The following DMD variants were observed in gnomAD, a reference collection of about 807,000 sequenced individuals.
The protein encoded by DMD is dystrophin.
Under a neutral mutation model 330.1 loss-of-function variants are expected in DMD, and 63 were observed. That is an observed-to-expected ratio of 0.19 (90% CI 0.16 to 0.24). The LOEUF (loss-of-function observed/expected upper bound fraction) is 0.24. Among genes scored for constraint, DMD ranks in the 10% least tolerant of loss-of-function variants. The pLI is 1.00. For missense variants in DMD, 3,344 were observed against 2,684.1 expected (o/e 1.25, Z -5.43); for synonymous variants, 1,223 against 959.8 (o/e 1.27, Z -5.07).
At chrX:31,489,438 C>G (rs776725038) in intron 57 of DMD, among the ~76,000 whole-genome samples, 5 of 112,207 alleles carry the variant, frequency 4.5e-5, no homozygotes, top group Admixed American at 2.8e-4. Flanking sequence ...CGGCCTCACA[C>G]AAGTCTTTAC....
At chrX:31,541,144 A>C (rs2073782179) in intron 55 of DMD, among the ~76,000 whole-genome samples, 1 of 111,702 alleles carries the variant, frequency 9.0e-6, no homozygotes, top group African/African-American at 3.3e-5. Context: ...GAGCAATTGA[A>C]ATCAGGCTAG....
At chrX:33,294,479 A>C (rs188300331) in intron 1 of DMD, among the ~76,000 whole-genome samples, 2 of 111,601 alleles carry the variant, frequency 1.8e-5, no homozygotes, top group African/African-American at 6.5e-5. Flanking sequence ...CATGAATAGG[A>C]GGTAGAGTAG....
chrX:32,619,419 A>G (rs925521169), intron 11 of DMD, among the ~76,000 whole-genome samples: 5 of 111,334 alleles, frequency 4.5e-5, no homozygotes, highest in African/African-American at 1.6e-4. Context: ...ATGAAAATAT[A>G]CTCTTGAAAA....
At chrX:31,680,499 T>G (rs1462820390) in intron 52 of DMD, among the ~76,000 whole-genome samples, 1 of 109,563 alleles carries the variant, frequency 9.1e-6, no homozygotes, top group African/African-American at 3.3e-5. Flanking sequence ...GCCTCCCGAG[T>G]AGCAGGAACT....
At chrX:31,299,528 A>G (rs1200756691) in intron 62 of DMD, among the ~76,000 whole-genome samples, 1 of 111,612 alleles carries the variant, frequency 9.0e-6, no homozygotes, top group African/African-American at 3.3e-5. Flanking sequence ...CTGTAATCCC[A>G]GCACTTTGGG....
At chrX:31,944,496 T>G (rs1376126279) in intron 45 of DMD, among the ~76,000 whole-genome samples, 1 of 106,524 alleles carries the variant, frequency 9.4e-6, no homozygotes, top group Non-Finnish European at 1.9e-5. Context: ...TTTTTTTTTT[T>G]GAGACGGAGT....
intron 7 of DMD, among the ~76,000 whole-genome samples, chrX:32,712,347 C>A (rs2065265324): frequency 9.0e-6 from 1 of 111,346 alleles, no homozygotes; most frequent in Non-Finnish European, 1.9e-5. Flanking sequence ...TACAACGCTG[C>A]AATGAACATC....
At position 31,837,224 on chromosome X, in the gene DMD, A is replaced by T. The variant is rs183889823; in HGVS notation, c.7099-405T>A. Among the ~76,000 whole-genome samples the T allele has an allele frequency of 5.1e-3, 572 of 112,307 alleles. 3 individuals are homozygous for T. Among genetic ancestry groups the T allele is most frequent in the Non-Finnish European group, 8.4e-3 (445 of 53,241 alleles). On this transcript the variant is annotated intron_variant, in intron 48 of 78. Transcript: ENST00000357033. The stretch of plus-strand genomic sequence containing the variant: ...TACAAAATTCTGTGTTTAGTATTGG[A>T]TATAAATTTTGTTTTGAAATAAATA...
intron 44 of DMD, among the ~76,000 whole-genome samples, chrX:32,186,813 A>T: frequency 9.0e-6 from 1 of 111,009 alleles, no homozygotes; most frequent in East Asian, 2.8e-4. Context: ...ACCTTTTATG[A>T]ACGTTGAGTG....
intron 13 of DMD, 30 bp downstream of exon 13, chrX:32,595,727 T>C (rs375949200): frequency 2.5e-6 from 3 of 1,198,691 alleles, no homozygotes; most frequent in Admixed American, 2.2e-5. Flanking sequence ...TTAAAGGACA[T>C]ATTTAGTTTA....
intron 62 of DMD, among the ~76,000 whole-genome samples, chrX:31,319,320 C>CATTA (rs1299822266): frequency 1.8e-5 from 2 of 111,826 alleles, no homozygotes; most frequent in Non-Finnish European, 3.8e-5. Flanking sequence ...AAATGAAAAG[C>CATTA]ATTAGTAGGG....
chrX:31,698,142 A>T (rs1026864930), intron 52 of DMD, among the ~76,000 whole-genome samples: 3 of 112,110 alleles, frequency 2.7e-5, no homozygotes, highest in Admixed American at 9.5e-5. Flanking sequence ...GATCCCACAG[A>T]GTACGCCAGA....
At chrX:32,644,358 A>G (rs1237028956) in intron 10 of DMD, 45 bp from the exon 11 acceptor site, 1 of 1,170,275 alleles carries the variant, frequency 8.5e-7, no homozygotes, top group African/African-American at 1.8e-5. Flanking sequence ...ACTCTAGGTA[A>G]ATCGGTGTGG....
intron 48 of DMD, among the ~76,000 whole-genome samples, chrX:31,863,570 AC>A (rs1272734244): frequency 8.9e-6 from 1 of 112,001 alleles, no homozygotes; most frequent in Non-Finnish European, 1.9e-5. Flanking sequence ...TACTCAAGGT[AC>A]CATCAAATAC....
At position 32,351,929 on chromosome X, in the gene DMD, C is replaced by T. The variant is rs1481223027; in HGVS notation, c.5326-3401G>A. Among the ~76,000 whole-genome samples the T allele has an allele frequency of 4.5e-5, 5 of 110,642 alleles. No individual in the cohort carries two copies. The Admixed American group carries it at 4.8e-4, about 11-fold the overall frequency. On this transcript the variant is annotated intron_variant, in intron 37 of 78. Coordinates refer to ENST00000357033, the MANE Select transcript of DMD (RefSeq NM_004006.3). ...AATTATTCAGGCAAGATAATGGAAA[C>T]TTAGACTTCTTTAGTTCAATGTGTA...
At position 31,204,179 on chromosome X, in the gene DMD, C is replaced by A; in HGVS notation, c.9650-61G>T. On this transcript the variant is annotated intron_variant, in intron 66 of 78. Transcript: ENST00000357033. Reference sequence around the variant, plus strand: ...ACAGCACCCATGGATGCCAGCAGAACCTGACATCCAACTCAATTCCAGTAG... The same window carrying A: ...ACAGCACCCATGGATGCCAGCAGAAACTGACATCCAACTCAATTCCAGTAG... 9.7e-6 allele frequency: 10 copies of A among 1,026,726 alleles called. No individual in the cohort carries two copies. The South Asian group carries it at 1.8e-4, about 18-fold the overall frequency. The allele number at this position is 1,026,726 out of a possible 1,213,427, so 84.6% of individuals were successfully genotyped here. A position where few individuals can be genotyped will look rare whatever the true frequency, so the allele number is the denominator to read the frequency against.
At chrX:33,266,130 T>C (rs909145032) in intron 1 of DMD, among the ~76,000 whole-genome samples, 4 of 111,558 alleles carry the variant, frequency 3.6e-5, no homozygotes, top group Admixed American at 1.9e-4. Flanking sequence ...CTTATTTTTA[T>C]GTAGGTATTG....
chrX:31,485,950 G>C (rs191235606), intron 57 of DMD, among the ~76,000 whole-genome samples: 40 of 112,393 alleles, frequency 3.6e-4, no homozygotes, highest in African/African-American at 1.3e-3. Context: ...GCACTGTTCT[G>C]AGTGGCAGAA....
chrX:31,577,615 C>G (rs1313378294), intron 55 of DMD, among the ~76,000 whole-genome samples: 5 of 112,125 alleles, frequency 4.5e-5, no homozygotes, highest in African/African-American at 1.6e-4. Flanking sequence ...AGAAAGGATT[C>G]TTATGTGGCT....
Sources: allele counts gnomAD v4.1 joint callset (sites outside exome capture counted in the v4.1 genomes callset), GRCh38; gene constraint gnomAD v4.1.1; transcripts MANE v1.5; gene names NCBI Gene and HGNC (gene_info 2026-07-23, HGNC 2026-07-21).